Variants in GPC6 observed in about 807,000 individuals in gnomAD.
GPC6 encodes the protein glypican-6.
Under a neutral mutation model 55.2 loss-of-function variants are expected in GPC6, and 14 were observed. That is an observed-to-expected ratio of 0.25 (90% CI 0.17 to 0.40). GPC6 has a LOEUF of 0.40. Among genes scored for constraint, GPC6 ranks in the 10% least tolerant of loss-of-function variants. The pLI is 1.00. For missense variants in GPC6, 641 were observed against 708.5 expected (o/e 0.90, Z 1.08); for synonymous variants, 278 against 259.6 (o/e 1.07, Z -0.68).
intron 2 of GPC6, among the ~76,000 whole-genome samples, chr13:93,805,071 G>A (rs1261685327): frequency 6.6e-6 from 1 of 152,150 alleles, no homozygotes; most frequent in Admixed American, 6.5e-5. Context: ...AAAAATTATA[G>A]CCACATAGAT....
chr13:93,527,535 T>C (rs1443963196), intron 1 of GPC6, among the ~76,000 whole-genome samples: 5 of 152,154 alleles, frequency 3.3e-5, no homozygotes, highest in Non-Finnish European at 7.4e-5. Flanking sequence ...GTACTGCTGT[T>C]ACCTGAACAC....
chr13:93,775,743 A>G (rs1480056289), intron 2 of GPC6, among the ~76,000 whole-genome samples: 1 of 152,176 alleles, frequency 6.6e-6, no homozygotes, highest in Non-Finnish European at 1.5e-5. Context: ...CAGTTGGACT[A>G]GTCTTACTTT....
intron 4 of GPC6, among the ~76,000 whole-genome samples, chr13:94,067,767 G>A (rs141588708): frequency 3.6e-4 from 55 of 152,286 alleles, no homozygotes; most frequent in African/African-American, 1.3e-3. Context: ...TTATATGTTT[G>A]CAACAGCAGA....
chr13:93,314,754 T>TGTGTGTGTGTGCGCGC (rs1555290021), intron 1 of GPC6, among the ~76,000 whole-genome samples: 31 of 149,400 alleles, frequency 2.1e-4, no homozygotes, highest in African/African-American at 7.2e-4. Flanking sequence ...TGTGTGTGTG[T>TGTGTGTGTGTGCGCGC]GTGCACGCAT....
chr13:93,677,172 A>G (rs1881666784), intron 2 of GPC6, among the ~76,000 whole-genome samples: 1 of 152,160 alleles, frequency 6.6e-6, no homozygotes, highest in African/African-American at 2.4e-5. Flanking sequence ...TTTAGAAGGG[A>G]GAAATGAGAC....
chr13:94,263,938 T>C (rs565627921), intron 4 of GPC6, among the ~76,000 whole-genome samples: 1 of 152,300 alleles, frequency 6.6e-6, no homozygotes, highest in South Asian at 2.1e-4. Flanking sequence ...AACTGTGTCT[T>C]GCGTGTAGAG....
At chr13:93,530,633 G>T (rs1350532841) in intron 1 of GPC6, among the ~76,000 whole-genome samples, 1 of 151,954 alleles carries the variant, frequency 6.6e-6, no homozygotes, top group African/African-American at 2.4e-5. Context: ...AAAATTTCAG[G>T]AATTTTTGAA....
chr13:93,718,576 G>A (rs1409665132), intron 2 of GPC6, among the ~76,000 whole-genome samples: 2 of 152,000 alleles, frequency 1.3e-5, no homozygotes, highest in African/African-American at 2.4e-5. Flanking sequence ...TCTGATGATA[G>A]TTTATTTTGC....
chr13:93,952,923 GTA>G (rs982579470), intron 3 of GPC6, among the ~76,000 whole-genome samples: 1 of 146,710 alleles, frequency 6.8e-6, no homozygotes, highest in Non-Finnish European at 1.5e-5. Flanking sequence ...ATATATACAC[GTA>G]TATATATAGT....
At chr13:93,895,234 G>GTGTGTGTATA (rs1196315147) in intron 3 of GPC6, among the ~76,000 whole-genome samples, 11 of 108,208 alleles carry the variant, frequency 1.0e-4, no homozygotes, top group Non-Finnish European at 1.1e-4. Context: ...GTGTGTGTGT[G>GTGTGTGTATA]TATATATATA....
chr13:94,076,444 T>C (rs191791409), intron 4 of GPC6, among the ~76,000 whole-genome samples: 27 of 152,162 alleles, frequency 1.8e-4, no homozygotes, highest in African/African-American at 5.5e-4. Context: ...GTCTCTTCAC[T>C]CTGCTCACTG....
intron 1 of GPC6, among the ~76,000 whole-genome samples, chr13:93,512,717 C>G (rs1881029511): frequency 6.6e-6 from 1 of 151,820 alleles, no homozygotes; most frequent in Non-Finnish European, 1.5e-5. Context: ...GAAGAAGATA[C>G]TAGTTATTTG....
intron 2 of GPC6, among the ~76,000 whole-genome samples, chr13:93,623,482 G>C (rs554856972): frequency 9.6e-5 from 7 of 73,156 alleles, no homozygotes; most frequent in African/African-American, 2.7e-4. Flanking sequence ...TTTTTGAGAC[G>C]GAGTCTCGCT....
chr13:94,288,940 T>TTTGTTATATATATAACAA (rs1566638413), intron 5 of GPC6, among the ~76,000 whole-genome samples: 1,924 of 117,472 alleles, frequency 0.016, 73 homozygotes, highest in African/African-American at 0.067. Flanking sequence ...TATAGATAGA[T>TTTGTTATATATATAACAA]AGATAGATAG....
intron 2 of GPC6, among the ~76,000 whole-genome samples, chr13:93,663,753 A>G (rs1330683054): frequency 6.6e-6 from 1 of 152,208 alleles, no homozygotes; most frequent in Non-Finnish European, 1.5e-5. Context: ...AAAATGGGAC[A>G]AGTCACTTCA....
At chr13:93,523,888 G>A (rs74108581) in intron 1 of GPC6, among the ~76,000 whole-genome samples, 6,744 of 151,954 alleles carry the variant, frequency 0.044, 505 homozygotes, top group African/African-American at 0.15. Flanking sequence ...AGATTTGAGG[G>A]GTTGGGAGGA....
At chr13:94,098,217 A>G (rs902341314) in intron 4 of GPC6, among the ~76,000 whole-genome samples, 2 of 152,204 alleles carry the variant, frequency 1.3e-5, no homozygotes, top group African/African-American at 4.8e-5. Flanking sequence ...CTTTGGCCGT[A>G]TGAGGCCATG....
At chr13:93,863,864 C>T (rs1888885979) in intron 3 of GPC6, among the ~76,000 whole-genome samples, 1 of 151,688 alleles carries the variant, frequency 6.6e-6, no homozygotes, top group South Asian at 2.1e-4. Context: ...CAAAAAGATA[C>T]AGCAGTCTGC....
At chr13:93,676,085 A>G (rs1881577424) in intron 2 of GPC6, among the ~76,000 whole-genome samples, 1 of 138,764 alleles carries the variant, frequency 7.2e-6, no homozygotes, top group Admixed American at 7.7e-5. Flanking sequence ...AGCCTGGCCA[A>G]CACAGCAAAA....
Sources: allele counts gnomAD v4.1 joint callset (sites outside exome capture counted in the v4.1 genomes callset), GRCh38; gene constraint gnomAD v4.1.1; transcripts MANE v1.5; gene names NCBI Gene and HGNC (gene_info 2026-07-23, HGNC 2026-07-21).